Variants in MAOB observed in about 807,000 individuals in gnomAD.
The protein encoded by MAOB is monoamine oxidase B.
A neutral mutation model predicts 41.9 loss-of-function variants in MAOB; 15 were observed. The observed-to-expected ratio is 0.36, with a 90% confidence interval of 0.24 to 0.55. MAOB has a LOEUF of 0.55. Ranked by LOEUF, MAOB falls within the 20% of genes least tolerant of loss-of-function variation. The pLI is 0.86. For missense variants in MAOB, 345 were observed against 398.7 expected (o/e 0.87, Z 1.15); for synonymous variants, 167 against 144.2 (o/e 1.16, Z -1.13).
chrX:43,773,274 C>G (rs374036049), intron 12 of MAOB, among the ~76,000 whole-genome samples: 1 of 112,062 alleles, frequency 8.9e-6, no homozygotes, highest in Non-Finnish European at 1.9e-5. Flanking sequence ...TATCTCTATG[C>G]CCCTGTATTA....
At chrX:43,877,743 A>G (rs1441041812) in intron 1 of MAOB, among the ~76,000 whole-genome samples, 1 of 111,828 alleles carries the variant, frequency 8.9e-6, no homozygotes, top group Non-Finnish European at 1.9e-5. Context: ...CTGAAGCGGA[A>G]CCCAGTGGGT....
At chrX:43,855,988 C>T (rs1021835813) in intron 1 of MAOB, among the ~76,000 whole-genome samples, 4 of 111,425 alleles carry the variant, frequency 3.6e-5, no homozygotes, top group Admixed American at 2.9e-4. Context: ...CATCTCCCCC[C>T]AGCATTCAGG....
intron 1 of MAOB, among the ~76,000 whole-genome samples, chrX:43,861,338 C>G (rs1184674452): frequency 1.8e-5 from 2 of 112,783 alleles, no homozygotes; most frequent in Non-Finnish European, 3.8e-5. Flanking sequence ...TCCTCAAAAC[C>G]TGATGTATCA....
At chrX:43,844,020 T>A in intron 1 of MAOB, 1 of 680,556 alleles carries the variant, frequency 1.5e-6, no homozygotes, top group African/African-American at 2.2e-5. Context: ...AATGTCTATT[T>A]TAATGACTAA....
intron 3 of MAOB, among the ~76,000 whole-genome samples, chrX:43,814,936 C>T (rs913280962): frequency 1.8e-5 from 2 of 112,015 alleles, no homozygotes; most frequent in Admixed American, 9.5e-5. Flanking sequence ...TGTCTTTCTC[C>T]TATTTACCCT....
chrX:43,808,016 A>G (rs1483029477), intron 3 of MAOB, among the ~76,000 whole-genome samples: 1 of 111,654 alleles, frequency 9.0e-6, no homozygotes, highest in Non-Finnish European at 1.9e-5. Context: ...CCAGCAGAGT[A>G]GTGCCCAACC....
At chrX:43,777,822 T>C (rs149649608) in intron 11 of MAOB, among the ~76,000 whole-genome samples, 84 of 112,260 alleles carry the variant, frequency 7.5e-4, no homozygotes, top group African/African-American at 2.6e-3. Context: ...TCACAGATAA[T>C]TGGATTTAAT....
intron 1 of MAOB, among the ~76,000 whole-genome samples, chrX:43,845,920 C>T (rs745431956): frequency 3.6e-5 from 4 of 111,798 alleles, no homozygotes; most frequent in South Asian, 3.8e-4. Flanking sequence ...TCCCTGTCAC[C>T]GGGGGCAGAG....
Position 43,795,905 on chromosome X carries a change from AG to A in MAOB, c.619-18del, listed in dbSNP as rs1270413408. On this transcript the variant is annotated intron_variant, in intron 6 of 14. Coordinates refer to ENST00000378069, the MANE Select transcript of MAOB (RefSeq NM_000898.5). ...TTTCCTCTCCTGGAAAGAGAAAAGG[AG>A]GTGAAAGAGAAACGCAGGAATGGGC... The A allele has an allele frequency of 2.5e-6, 3 of 1,199,307 alleles. No individual in the cohort carries two copies. The highest frequency in any genetic ancestry group is 3.4e-6 in the Non-Finnish European group (3 of 889,967).
At chrX:43,791,420 A>G (rs1409121110) in intron 8 of MAOB, among the ~76,000 whole-genome samples, 1 of 111,832 alleles carries the variant, frequency 8.9e-6, no homozygotes, top group Non-Finnish European at 1.9e-5. Context: ...ATATGACAAG[A>G]TTCTAGCGTT....
rs769095666 is a variant in MAOB at position 43,771,462 on chromosome X, T to C, written c.1236-2044A>G. 8.1e-5 allele frequency among the ~76,000 whole-genome samples: 9 copies of C among 111,724 alleles called. No individual in the cohort carries two copies. The East Asian group carries it at 2.6e-3, about 32-fold the overall frequency. On this transcript the variant is annotated intron_variant, in intron 12 of 14. Coordinates refer to ENST00000378069, the MANE Select transcript of MAOB (RefSeq NM_000898.5). ...TATTTTCAATTTATGGTGGGTTTATTGGGATATAACCCCATCATATTTTGA... is the reference window on the plus strand; with the variant it reads ...TATTTTCAATTTATGGTGGGTTTATCGGGATATAACCCCATCATATTTTGA...
At chrX:43,872,439 T>A (rs2035414498) in intron 1 of MAOB, among the ~76,000 whole-genome samples, 1 of 111,977 alleles carries the variant, frequency 8.9e-6, no homozygotes, top group African/African-American at 3.2e-5. Flanking sequence ...AAGTCCATTA[T>A]TACAATTCCA....
intron 5 of MAOB, among the ~76,000 whole-genome samples, chrX:43,800,953 C>T (rs1043590498): frequency 9.0e-6 from 1 of 110,626 alleles, no homozygotes; most frequent in South Asian, 3.8e-4. Flanking sequence ...CTCTACAACA[C>T]GATTTTTTAA....
In MAOB at chrX:43,804,186, G is replaced by A. The variant is rs753324300; in HGVS notation, c.280-782C>T. On this transcript the variant is annotated intron_variant, in intron 3 of 14. Coordinates refer to ENST00000378069, the MANE Select transcript of MAOB (RefSeq NM_000898.5). ...GTGCATTCTGATAGCATCTTTCAACGGAATCAGAATAACTTAAGGTTCTCA... is the reference window on the plus strand; with the variant it reads ...GTGCATTCTGATAGCATCTTTCAACAGAATCAGAATAACTTAAGGTTCTCA... Among the ~76,000 whole-genome samples, 14 of 111,533 alleles carry A rather than the reference G, an allele frequency of 1.3e-4. No homozygotes were observed. In the South Asian group the frequency reaches 5.3e-3, roughly 42 times the overall value.
chrX:43,860,566 C>T (rs764565015), intron 1 of MAOB, among the ~76,000 whole-genome samples: 1 of 111,759 alleles, frequency 8.9e-6, no homozygotes, highest in African/African-American at 3.3e-5. Flanking sequence ...AAGACAATAT[C>T]GTCTTTTTTG....
At position 43,795,888 on chromosome X, in the gene MAOB, C is replaced by T; in HGVS notation, c.619G>A (p.Glu207Lys). 2.5e-6 allele frequency: 3 copies of T among 1,202,203 alleles called. No individual in the cohort carries two copies. Among genetic ancestry groups the T allele is most frequent in the Non-Finnish European group, 3.4e-6 (3 of 892,450 alleles). ...RIISTTNGGQ[E>K]RKFVGGSGQV... The stretch of plus-strand genomic sequence containing the variant: ...CCAGATCCGCCCACAAATTTCCTCT[C>T]CTGGAAAGAGAAAAGGAGGTGAAAG... Residue 207 changes from glutamate (E) to lysine (K), a missense_variant and splice_region_variant, in exon 7 of 15, where the codon GAG (glutamate) becomes AAG (lysine). Physicochemically the swap from Glu to Lys is moderately conservative, Grantham distance 56. Transcript: ENST00000378069.
At chrX:43,851,275 T>C (rs1398370881) in intron 1 of MAOB, among the ~76,000 whole-genome samples, 1 of 112,075 alleles carries the variant, frequency 8.9e-6, no homozygotes, top group Non-Finnish European at 1.9e-5. Context: ...ATAAACATAC[T>C]CTCAAGAAAT....
chrX:43,769,460 G>A, intron 12 of MAOB, 42 bp from the exon 13 acceptor site: 1 of 1,172,964 alleles, frequency 8.5e-7, no homozygotes, highest in Non-Finnish European at 1.1e-6. Flanking sequence ...CAGTCTCAGA[G>A]AGTCAGAGAA....
At chrX:43,830,591 G>A (rs1413801410) in intron 3 of MAOB, among the ~76,000 whole-genome samples, 1 of 111,863 alleles carries the variant, frequency 8.9e-6, no homozygotes, top group Non-Finnish European at 1.9e-5. Flanking sequence ...TTTTAAGGGG[G>A]AAAGTTCACA....
Sources: allele counts gnomAD v4.1 joint callset (sites outside exome capture counted in the v4.1 genomes callset), GRCh38; gene constraint gnomAD v4.1.1; transcripts MANE v1.5; gene names NCBI Gene and HGNC (gene_info 2026-07-23, HGNC 2026-07-21).